The following BRSK2 variants were observed in gnomAD, a reference collection of about 807,000 sequenced individuals.
BRSK2 encodes serine/threonine-protein kinase BRSK2.
Under a neutral mutation model 83.3 loss-of-function variants are expected in BRSK2, and 19 were observed. The ratio of observed to expected loss-of-function variants is 0.23; its 90% CI spans 0.16 to 0.33. The LOEUF is 0.33. BRSK2 is among the 10% of genes least tolerant of loss of function. BRSK2 has a pLI of 1.00. For synonymous variants in BRSK2, 519 were observed against 435.4 expected, an observed-to-expected ratio of 1.19 and a Z score of -2.39; for missense variants, 798 against 1,042.3, an observed-to-expected ratio of 0.77 and a Z score of 3.23.
chr11:1,443,652 C>T lies in BRSK2; in HGVS notation c.780+17C>T, dbSNP rs544219964. On this transcript the variant is annotated intron_variant, in intron 8 of 19. Coordinates refer to ENST00000528841, the MANE Select transcript of BRSK2 (RefSeq NM_001256627.2). ...CGCCTCACGGTGCGTGCCCTCGGAG[C>T]GGGGCGGCCCCAGAGCGTGGCGGGG... 25 of 1,565,126 alleles carry T rather than the reference C, an allele frequency of 1.6e-5. No individual in the cohort carries two copies. Among genetic ancestry groups the T allele is most frequent in the East Asian group, 1.1e-4 (5 of 43,794 alleles).
intron 18 of BRSK2, 80 bp from the exon 19 acceptor site, chr11:1,459,112 G>T: frequency 7.8e-7 from 1 of 1,276,174 alleles, no homozygotes; most frequent in Non-Finnish European, 1.1e-6. Flanking sequence ...CCTCCCCATC[G>T]AGGCTGTGGG....
Position 1,433,041 on chromosome 11 carries a change from GCGGTC to G in BRSK2, c.92-2998_92-2994del, listed in dbSNP as rs1849797012. On this transcript the variant is annotated intron_variant, in intron 1 of 19. Coordinates refer to ENST00000528841, the MANE Select transcript of BRSK2 (RefSeq NM_001256627.2). Reference sequence around the variant, plus strand: ...CTGTGCTCAGCAGTGAGCGTCTTCTGCGGTCTGGTCAGGTTTTGCCACTGTGCTCA... The same window carrying G: ...CTGTGCTCAGCAGTGAGCGTCTTCTGTGGTCAGGTTTTGCCACTGTGCTCA... Among the ~76,000 whole-genome samples, 2 of 5,168 alleles carry G rather than the reference GCGGTC, an allele frequency of 3.9e-4. 1 individual carries two copies. The allele number at this position is 5,168 out of a possible 152,430, so 3.4% of individuals were successfully genotyped here.
At chr11:1,460,404 C>G (rs1442192044) in intron 19 of BRSK2, 96 bp from the exon 20 acceptor site, 66 of 911,612 alleles carry the variant, frequency 7.2e-5, no homozygotes, top group African/African-American at 8.9e-5. Flanking sequence ...TTTGTTTGTT[C>G]TCTTTCTCTC....
intron 1 of BRSK2, among the ~76,000 whole-genome samples, chr11:1,398,701 G>T (rs1218019027): frequency 2.0e-5 from 3 of 152,194 alleles, no homozygotes; most frequent in African/African-American, 7.2e-5. Context: ...GCCCCAGTCC[G>T]CATAGGCCTT....
At position 1,423,635 on chromosome 11, in the gene BRSK2, C is replaced by G. The variant is rs1355666345; in HGVS notation, c.92-12405C>G. 2.6e-5 allele frequency among the ~76,000 whole-genome samples: 4 copies of G among 152,202 alleles called. No homozygotes were observed. The highest frequency in any genetic ancestry group is 9.6e-5 in the African/African-American group (4 of 41,512). ...AAGTCCAAGGTCCAGGGTGGGCTGG[C>G]TCTTCCAAGGCCTCAAGGAAGCCCT... On this transcript the variant is annotated intron_variant, in intron 1 of 19. Coordinates refer to ENST00000528841, the MANE Select transcript of BRSK2 (RefSeq NM_001256627.2). The surrounding 1 kb of genome is among the most constrained non-coding windows in gnomAD (Gnocchi z 6.5).
chr11:1,425,134 C>T (rs1035674862), intron 1 of BRSK2, among the ~76,000 whole-genome samples: 1 of 152,240 alleles, frequency 6.6e-6, no homozygotes, highest in Admixed American at 6.5e-5. Context: ...TCGTCCTGCG[C>T]TGCGTGGCCG....
chr11:1,459,355 G>T, intron 19 of BRSK2, 116 bp downstream of exon 19: 1 of 1,192,784 alleles, frequency 8.4e-7, no homozygotes. Context: ...TGTAGATGTA[G>T]GCACCCAGCA....
In BRSK2 at chr11:1,456,584, CCT is replaced by C. The variant is rs772643133; in HGVS notation, c.1850-13_1850-12del. 1.2e-4 allele frequency: 196 copies of C among 1,609,140 alleles called. 1 individual carries two copies. The highest frequency in any genetic ancestry group is 4.5e-4 in the Admixed American group (27 of 59,560). Reference sequence around the variant, plus strand: ...CCCAGGCCCGTCCAGGGCATAACCCCCTGTCTCCCCTAGGCCCCAGCCGTCGC... The same window carrying C: ...CCCAGGCCCGTCCAGGGCATAACCCCGTCTCCCCTAGGCCCCAGCCGTCGC... On this transcript the variant is annotated splice_polypyrimidine_tract_variant and intron_variant, in intron 17 of 19. Coordinates refer to ENST00000528841, the MANE Select transcript of BRSK2 (RefSeq NM_001256627.2).
chr11:1,448,318 C>G (rs558823556), intron 12 of BRSK2, among the ~76,000 whole-genome samples: 1 of 152,180 alleles, frequency 6.6e-6, no homozygotes, highest in Non-Finnish European at 1.5e-5. Flanking sequence ...CGAGCCTGGG[C>G]GGGTGGCGCC....
rs370873012 is a variant in BRSK2, at chr11:1,461,105, C to T, written c.*382C>T. On this transcript the variant is annotated 3_prime_UTR_variant, in exon 20 of 20. Coordinates refer to ENST00000528841, the MANE Select transcript of BRSK2 (RefSeq NM_001256627.2). ...GAGGCCCAGCCCAGCGCCCCGTCCA[C>T]CCCGCGGCAGCTCCTCGCCTCAGCT... The T allele has an allele frequency of 2.0e-6, 3 of 1,469,022 alleles. No homozygotes were observed. In the African/African-American group the frequency reaches 4.2e-5, roughly 21 times the overall value. The allele number at this position is 1,469,022 out of a possible 1,614,324, so 91.0% of individuals were successfully genotyped here.
At chr11:1,404,578 C>T (rs1846703808) in intron 1 of BRSK2, among the ~76,000 whole-genome samples, 1 of 152,220 alleles carries the variant, frequency 6.6e-6, no homozygotes, top group Admixed American at 6.5e-5. Context: ...GAGCACCAGC[C>T]TTGGGAGGGC....
intron 1 of BRSK2, among the ~76,000 whole-genome samples, chr11:1,421,616 G>T (rs1014829717): frequency 1.3e-5 from 2 of 152,202 alleles, no homozygotes; most frequent in East Asian, 1.9e-4. Context: ...ACTGGTGGGC[G>T]GTGGAGGCTG....
intron 18 of BRSK2, among the ~76,000 whole-genome samples, chr11:1,458,773 C>G (rs1051854826): frequency 2.0e-5 from 3 of 152,174 alleles, no homozygotes; most frequent in African/African-American, 7.2e-5. Flanking sequence ...AGGGTGCCTG[C>G]CTTGAGTTGA....
intron 15 of BRSK2, among the ~76,000 whole-genome samples, chr11:1,452,069 G>A (rs573134900): frequency 6.6e-6 from 1 of 152,320 alleles, no homozygotes; most frequent in African/African-American, 2.4e-5. Flanking sequence ...ATATGAGCCT[G>A]CAGCGTGACC....
intron 14 of BRSK2, among the ~76,000 whole-genome samples, 192 bp from the exon 15 acceptor site, chr11:1,451,179 A>G (rs1590655126): frequency 6.6e-6 from 1 of 152,194 alleles, no homozygotes; most frequent in Admixed American, 6.5e-5. Flanking sequence ...AGCTCCCCTT[A>G]GCCTGGGGGG....
chr11:1,400,101 G>A (rs139032545), intron 1 of BRSK2, among the ~76,000 whole-genome samples: 1 of 152,382 alleles, frequency 6.6e-6, no homozygotes, highest in Non-Finnish European at 1.5e-5. Flanking sequence ...CTAGAAACTG[G>A]CAGGAAGCCA....
intron 3 of BRSK2, among the ~76,000 whole-genome samples, chr11:1,440,170 T>C (rs1192172331): frequency 1.3e-5 from 2 of 152,138 alleles, no homozygotes; most frequent in Non-Finnish European, 2.9e-5. Context: ...CACGGGCCTC[T>C]CACCAGGAAC....
intron 1 of BRSK2, among the ~76,000 whole-genome samples, chr11:1,435,149 C>T (rs1004126912): frequency 1.0e-4 from 15 of 149,844 alleles, no homozygotes; most frequent in African/African-American, 2.7e-4. Context: ...ACCTGGGGCC[C>T]GTCCTGGTGT....
chr11:1,461,381 T>A lies in BRSK2; in HGVS notation c.*658T>A. On this transcript the variant is annotated 3_prime_UTR_variant, in exon 20 of 20. Transcript: ENST00000528841. ...CCGCCTCCGTGTAGTCTTGGCCTCC[T>A]CAGGCTGCCTCCCGTCCTCTCGTCT... 1 of 283,916 alleles carries A rather than the reference T, an allele frequency of 3.5e-6. No homozygotes were observed. The highest frequency in any genetic ancestry group is 3.8e-5 in the South Asian group (1 of 26,506). 17.6% of individuals were successfully genotyped at this position (283,916 alleles called of 1,614,324 possible).
Sources: gnomAD v4.1 joint callset for allele counts (sites outside exome capture counted in the v4.1 genomes callset) on GRCh38, gnomAD v4.1.1 for gene constraint, Gnocchi (gnomAD v3.1) non-coding constraint, MANE v1.5 for transcripts, NCBI Gene and HGNC (gene_info 2026-07-23, HGNC 2026-07-21) for gene names.